The following MYO1D variants were observed in gnomAD, a reference collection of about 807,000 sequenced individuals.
The protein encoded by MYO1D is myosin ID.
A neutral mutation model predicts 122.0 loss-of-function variants in MYO1D; 83 were observed. That is an observed-to-expected ratio of 0.68 (90% confidence interval 0.57 to 0.82). The LOEUF (loss-of-function observed/expected upper bound fraction) is 0.82. Ranked by LOEUF, MYO1D falls within the 40% of genes least tolerant of loss-of-function variation. The pLI is 0.00. For synonymous variants in MYO1D, 464 were observed against 446.9 expected (o/e 1.04, Z -0.48); for missense variants, 1,157 against 1,269.5 (o/e 0.91, Z 1.35).
chr17:32,639,902 A>G (rs1354949780), intron 19 of MYO1D, among the ~76,000 whole-genome samples: 1 of 152,194 alleles, frequency 6.6e-6, no homozygotes, highest in Non-Finnish European at 1.5e-5. Context: ...AGATGCAAAC[A>G]AAGAAGTTAG....
intron 1 of MYO1D, among the ~76,000 whole-genome samples, chr17:32,863,769 GAAC>G (rs1412448721): frequency 6.6e-6 from 1 of 152,176 alleles, no homozygotes; most frequent in East Asian, 1.9e-4. Context: ...TATGTGTAAA[GAAC>G]AATAAACAAC....
At chr17:32,625,776 C>T (rs950579208) in intron 20 of MYO1D, among the ~76,000 whole-genome samples, 3 of 152,184 alleles carry the variant, frequency 2.0e-5, no homozygotes, top group African/African-American at 7.2e-5. Context: ...GGTGATCTGC[C>T]TGCTTCAGCT....
Position 32,674,515 on chromosome 17 carries a change from A to G in MYO1D, c.2122-15177T>C, listed in dbSNP as rs184060628. On this transcript the variant is annotated intron_variant, in intron 16 of 21. Transcript: ENST00000318217. ...GCCTTGTCCTAGACACTTGACATAC[A>G]TTAAGAATAGGTTTTTTTTTTAAAG... Among the ~76,000 whole-genome samples the G allele has an allele frequency of 6.2e-4, 94 of 152,300 alleles. 1 individual carries two copies. Among genetic ancestry groups the G allele is most frequent in the Admixed American group, 5.1e-3 (78 of 15,304 alleles).
At chr17:32,555,004 A>G (rs2087055808) in intron 21 of MYO1D, among the ~76,000 whole-genome samples, 1 of 152,192 alleles carries the variant, frequency 6.6e-6, no homozygotes, top group East Asian at 1.9e-4. Flanking sequence ...GCCTTAAAAA[A>G]TATACACTTT....
At chr17:32,732,454 AC>A (rs1254540918) in intron 14 of MYO1D, among the ~76,000 whole-genome samples, 1 of 152,134 alleles carries the variant, frequency 6.6e-6, no homozygotes, top group Non-Finnish European at 1.5e-5. Flanking sequence ...GAGAGGAGCT[AC>A]CCACCATGGG....
chr17:32,876,677 G>T, intron 1 of MYO1D, 101 bp downstream of exon 1: 1 of 961,246 alleles, frequency 1.0e-6, no homozygotes, highest in Non-Finnish European at 1.5e-6. Flanking sequence ...CATCCCTGGA[G>T]CTTGGGCGCT....
intron 16 of MYO1D, among the ~76,000 whole-genome samples, chr17:32,702,146 T>C (rs1409173708): frequency 6.6e-6 from 1 of 151,992 alleles, no homozygotes; most frequent in South Asian, 2.1e-4. Context: ...CAGAAAAAAA[T>C]TTTCCCATGA....
chr17:32,818,125 CAAAAA>C (rs58466009), intron 1 of MYO1D, among the ~76,000 whole-genome samples: 1 of 46,012 alleles, frequency 2.2e-5, no homozygotes. Context: ...GACTCCGTCT[CAAAAA>C]AAAAAAAAAA....
intron 21 of MYO1D, among the ~76,000 whole-genome samples, chr17:32,583,595 A>G (rs1314237842): frequency 1.3e-5 from 2 of 151,812 alleles, no homozygotes; most frequent in Non-Finnish European, 2.9e-5. Flanking sequence ...TTCATTTTGG[A>G]TAGTTTCTAT....
chr17:32,724,567 T>C (rs1443231266), intron 14 of MYO1D, among the ~76,000 whole-genome samples: 1 of 152,182 alleles, frequency 6.6e-6, no homozygotes, highest in Non-Finnish European at 1.5e-5. Context: ...CTTTTTTTCC[T>C]GGGGAAATTT....
intron 21 of MYO1D, among the ~76,000 whole-genome samples, chr17:32,548,716 CTTT>C (rs200304112): frequency 3.0e-5 from 4 of 134,708 alleles, no homozygotes; most frequent in Non-Finnish European, 3.2e-5. Flanking sequence ...ATTTTTTGGT[CTTT>C]TTTTTTTTTT....
intron 21 of MYO1D, among the ~76,000 whole-genome samples, chr17:32,579,522 C>T (rs1489294196): frequency 1.3e-5 from 2 of 152,144 alleles, no homozygotes; most frequent in African/African-American, 2.4e-5. Flanking sequence ...CACTGACATA[C>T]AATAAACTCC....
chr17:32,529,155 C>A (rs1910435605), intron 21 of MYO1D: 1 of 152,274 alleles, frequency 6.6e-6, no homozygotes, highest in Non-Finnish European at 1.5e-5. Flanking sequence ...CACACACACA[C>A]AGCCCAACCC....
At chr17:32,836,099 AG>A (rs1398445523) in intron 1 of MYO1D, among the ~76,000 whole-genome samples, 1 of 152,194 alleles carries the variant, frequency 6.6e-6, no homozygotes, top group Non-Finnish European at 1.5e-5. Context: ...TTTAATGCAA[AG>A]GGGGTTGTGT....
At chr17:32,508,182 A>AC (rs1423728655) in intron 21 of MYO1D, among the ~76,000 whole-genome samples, 1 of 151,318 alleles carries the variant, frequency 6.6e-6, no homozygotes, top group Non-Finnish European at 1.5e-5. Context: ...GGTGTGAGCC[A>AC]CTGCACCCAG....
intron 17 of MYO1D, 121 bp downstream of exon 17, chr17:32,658,994 G>T: frequency 1.1e-6 from 1 of 948,994 alleles, no homozygotes; most frequent in Non-Finnish European, 1.6e-6. Context: ...AAAACATAAG[G>T]TAAAGGTAAA....
intron 1 of MYO1D, among the ~76,000 whole-genome samples, chr17:32,873,463 T>C (rs1181246559): frequency 1.3e-5 from 2 of 152,166 alleles, no homozygotes; most frequent in South Asian, 2.1e-4. Flanking sequence ...TATATACCAA[T>C]GGACCAAACA....
intron 1 of MYO1D, among the ~76,000 whole-genome samples, chr17:32,807,802 G>C (rs1436164334): frequency 5.3e-5 from 8 of 151,008 alleles, no homozygotes; most frequent in Admixed American, 1.3e-4. Flanking sequence ...TGAGAAATAA[G>C]CCTTCTTACA....
chr17:32,814,946 G>C (rs1028230679), intron 1 of MYO1D, among the ~76,000 whole-genome samples: 11 of 152,330 alleles, frequency 7.2e-5, no homozygotes, highest in Admixed American at 5.9e-4. Context: ...GCCAACAAAA[G>C]TGGCAGAGAA....
Sources: gnomAD v4.1 joint callset for allele counts (sites outside exome capture counted in the v4.1 genomes callset) on GRCh38, gnomAD v4.1.1 for gene constraint, MANE v1.5 for transcripts, NCBI Gene and HGNC (gene_info 2026-07-23, HGNC 2026-07-21) for gene names.